The following ROBO2 variants were observed in gnomAD, a reference collection of about 807,000 sequenced individuals.
The protein encoded by ROBO2 is roundabout guidance receptor 2, also known as roundabout homolog 2.
Under a neutral mutation model 160.8 loss-of-function variants are expected in ROBO2, and 53 were observed. That is an observed-to-expected ratio of 0.33 (90% CI 0.26 to 0.41). ROBO2 has a LOEUF of 0.41. Among genes scored for constraint, ROBO2 ranks in the 10% least tolerant of loss-of-function variants. ROBO2 has a pLI of 1.00. For synonymous variants in ROBO2, 664 were observed against 611.7 expected (o/e 1.09, Z -1.26); for missense variants, 1,577 against 1,722.4 (o/e 0.92, Z 1.49).
chr3:76,951,016 C>T (rs1368232755), intron 2 of ROBO2, among the ~76,000 whole-genome samples: 1 of 152,218 alleles, frequency 6.6e-6, no homozygotes, highest in African/African-American at 2.4e-5. Context: ...GCGTGAGCCC[C>T]TGCACCTGGC....
chr3:77,562,855 C>G, intron 10 of ROBO2, 123 bp downstream of exon 11: 1 of 775,780 alleles, frequency 1.3e-6, no homozygotes, highest in Admixed American at 2.0e-5. Context: ...CCTTTACATT[C>G]AATGCCATTT....
intron 2 of ROBO2, among the ~76,000 whole-genome samples, chr3:77,257,927 A>T (rs2058526836): frequency 6.6e-6 from 1 of 152,266 alleles, no homozygotes; most frequent in Admixed American, 6.5e-5. Flanking sequence ...CTATCTGATA[A>T]GGAAAGTGCT....
At chr3:77,270,205 C>T (rs558680453) in intron 2 of ROBO2, among the ~76,000 whole-genome samples, 1 of 152,146 alleles carries the variant, frequency 6.6e-6, no homozygotes, top group Non-Finnish European at 1.5e-5. Context: ...AATACCATTT[C>T]CTAAATAAAA....
At chr3:76,493,337 T>TTTTATATATATATATATATA (rs1460408407) in intron 2 of ROBO2, among the ~76,000 whole-genome samples, 1 of 104,830 alleles carries the variant, frequency 9.5e-6, no homozygotes, top group Non-Finnish European at 2.0e-5. Context: ...AGACAAAAAA[T>TTTTATATATATATATATATA]TATATATATA....
intron 2 of ROBO2, among the ~76,000 whole-genome samples, chr3:77,347,769 C>G (rs2067830622): frequency 6.6e-6 from 1 of 152,048 alleles, no homozygotes; most frequent in African/African-American, 2.4e-5. Context: ...GAACAATCAG[C>G]CTTGCATTGT....
At chr3:76,390,604 C>T (rs1389643451) in intron 2 of ROBO2, among the ~76,000 whole-genome samples, 4 of 152,120 alleles carry the variant, frequency 2.6e-5, no homozygotes, top group East Asian at 1.9e-4. Context: ...GTAGTTGGAC[C>T]TGTACACTTA....
At chr3:76,683,286 C>A (rs2092608927) in intron 2 of ROBO2, among the ~76,000 whole-genome samples, 1 of 151,680 alleles carries the variant, frequency 6.6e-6, no homozygotes, top group Non-Finnish European at 1.5e-5. Context: ...GAAACCAACC[C>A]ATACTTGGTC....
At chr3:77,308,922 T>C (rs2063318142) in intron 2 of ROBO2, among the ~76,000 whole-genome samples, 1 of 152,184 alleles carries the variant, frequency 6.6e-6, no homozygotes, top group Non-Finnish European at 1.5e-5. Flanking sequence ...TTAACCAAGA[T>C]TCAGTCTTGA....
chr3:76,988,638 A>G (rs891198453), intron 2 of ROBO2, among the ~76,000 whole-genome samples: 2 of 151,690 alleles, frequency 1.3e-5, no homozygotes, highest in Admixed American at 6.6e-5. Flanking sequence ...TTCCACTTCA[A>G]TTTGCTGGTG....
chr3:77,301,399 A>C (rs1287692917), intron 2 of ROBO2, among the ~76,000 whole-genome samples: 1 of 152,128 alleles, frequency 6.6e-6, no homozygotes, highest in Non-Finnish European at 1.5e-5. Flanking sequence ...TTTATGAAAC[A>C]ATGTACAGTG....
intron 2 of ROBO2, among the ~76,000 whole-genome samples, chr3:76,911,289 T>G (rs1442102141): frequency 6.6e-6 from 1 of 152,196 alleles, no homozygotes; most frequent in African/African-American, 2.4e-5. Flanking sequence ...TTTTACCTCT[T>G]AATGATTTAT....
At chr3:76,946,832 A>G (rs2078578950) in intron 2 of ROBO2, among the ~76,000 whole-genome samples, 1 of 152,176 alleles carries the variant, frequency 6.6e-6, no homozygotes, top group Admixed American at 6.5e-5. Context: ...CACCTGGATT[A>G]CCCTGGATGT....
At chr3:76,907,823 G>GGGGTGTGTGTGT (rs112697690) in intron 2 of ROBO2, among the ~76,000 whole-genome samples, 122 of 145,524 alleles carry the variant, frequency 8.4e-4, no homozygotes, top group South Asian at 2.0e-3. Context: ...GTTTGTTTGG[G>GGGGTGTGTGTGT]GTGTGTGTGT....
chr3:76,610,882 T>C (rs1207727960), intron 2 of ROBO2, among the ~76,000 whole-genome samples: 1 of 152,216 alleles, frequency 6.6e-6, no homozygotes, highest in South Asian at 2.1e-4. Context: ...TCCAAATTCA[T>C]GTCCTGAGAC....
chr3:76,394,050 A>T (rs1350235371), intron 2 of ROBO2, among the ~76,000 whole-genome samples: 1 of 152,168 alleles, frequency 6.6e-6, no homozygotes, highest in Non-Finnish European at 1.5e-5. Context: ...TCCTGAATAC[A>T]GCACACTGAT....
intron 2 of ROBO2, among the ~76,000 whole-genome samples, chr3:76,281,114 A>T (rs1421299458): frequency 6.6e-6 from 1 of 151,924 alleles, no homozygotes. Context: ...ATCAAAAATA[A>T]TAAATCCAAC....
At chr3:77,291,664 A>G (rs1278583956) in intron 2 of ROBO2, among the ~76,000 whole-genome samples, 74 of 152,110 alleles carry the variant, frequency 4.9e-4, no homozygotes, top group Non-Finnish European at 2.1e-4. Context: ...GACATAAAGT[A>G]AAATTGATGG....
intron 1 of ROBO2, among the ~76,000 whole-genome samples, chr3:77,058,704 T>G (rs1171883623): frequency 6.6e-6 from 1 of 151,658 alleles, no homozygotes; most frequent in Non-Finnish European, 1.5e-5. Flanking sequence ...TAATTTTTTT[T>G]TTTTTGTATT....
At chr3:77,174,089 C>T (rs765671998) in intron 2 of ROBO2, among the ~76,000 whole-genome samples, 18 of 152,058 alleles carry the variant, frequency 1.2e-4, no homozygotes, top group Non-Finnish European at 2.1e-4. Flanking sequence ...TTCTCACCTA[C>T]TCACTTTCTT....
Sources: gnomAD v4.1 joint callset for allele counts (sites outside exome capture counted in the v4.1 genomes callset) on GRCh38, gnomAD v4.1.1 for gene constraint, MANE v1.5 for transcripts, NCBI Gene and HGNC (gene_info 2026-07-23, HGNC 2026-07-21) for gene names.